Variants in RABGAP1L observed in about 807,000 individuals in gnomAD.
RABGAP1L encodes RAB GTPase activating protein 1 like.
In RABGAP1L, 63 loss-of-function variants were observed where a neutral mutation model predicts 137.7. That is an observed-to-expected ratio of 0.46 (90% CI 0.37 to 0.56). The LOEUF (loss-of-function observed/expected upper bound fraction) is 0.56, where lower values mean the gene tolerates loss of function less well. RABGAP1L is among the 20% of genes least tolerant of loss of function. The probability of loss-of-function intolerance (pLI) is 0.00; values close to 1 mark genes in which losing one functional copy is unlikely to be tolerated. For missense variants in RABGAP1L, 1,095 were observed against 1,244.0 expected (o/e 0.88, Z 1.80); for synonymous variants, 431 against 433.7 (o/e 0.99, Z 0.08).
intron 7 of RABGAP1L, among the ~76,000 whole-genome samples, chr1:174,259,573 A>G (rs889859772): frequency 1.3e-5 from 2 of 152,208 alleles, no homozygotes; most frequent in African/African-American, 4.8e-5. Flanking sequence ...ATTTGTTGTA[A>G]TATGGAATTA....
intron 19 of RABGAP1L, chr1:174,893,230 C>T (rs567751964): frequency 6.5e-6 from 1 of 154,746 alleles, no homozygotes; most frequent in East Asian, 1.9e-4. Flanking sequence ...TCTCTCCAGA[C>T]CACCCATTTG....
At chr1:174,777,707 ATTAAACT>A (rs1686639760) in intron 18 of RABGAP1L, among the ~76,000 whole-genome samples, 1 of 152,246 alleles carries the variant, frequency 6.6e-6, no homozygotes. Context: ...AAAGAACCAA[ATTAAACT>A]TTAAGAGATA....
chr1:174,401,809 A>G (rs1290152255), intron 13 of RABGAP1L, among the ~76,000 whole-genome samples: 1 of 152,216 alleles, frequency 6.6e-6, no homozygotes, highest in Admixed American at 6.5e-5. Flanking sequence ...TGACACAGGT[A>G]TGAGCAAAGT....
chr1:174,272,735 C>T (rs1201522076), intron 8 of RABGAP1L, among the ~76,000 whole-genome samples: 1 of 151,908 alleles, frequency 6.6e-6, no homozygotes, highest in Non-Finnish European at 1.5e-5. Flanking sequence ...TTTTTGGCTT[C>T]TTAGAAAGAT....
intron 19 of RABGAP1L, among the ~76,000 whole-genome samples, chr1:174,824,833 G>A (rs1691406887): frequency 6.6e-6 from 1 of 151,664 alleles, no homozygotes; most frequent in Non-Finnish European, 1.5e-5. Context: ...TTTTGAAATG[G>A]TGGCAGCAAC....
chr1:174,293,055 C>T (rs985420188), intron 10 of RABGAP1L, among the ~76,000 whole-genome samples: 1 of 151,926 alleles, frequency 6.6e-6, no homozygotes, highest in African/African-American at 2.4e-5. Context: ...CTAAAACTTA[C>T]ACATAAAATG....
At chr1:174,451,563 C>T (rs1184201836) in intron 13 of RABGAP1L, among the ~76,000 whole-genome samples, 1 of 152,208 alleles carries the variant, frequency 6.6e-6, no homozygotes, top group African/African-American at 2.4e-5. Flanking sequence ...TAGTCAATGG[C>T]AGAGGTTCCC....
chr1:174,957,388 C>A, intron 19 of RABGAP1L, 69 bp from the exon 20 acceptor site: 1 of 1,258,772 alleles, frequency 7.9e-7, no homozygotes, highest in Non-Finnish European at 1.2e-6. Context: ...ATTTAACTAG[C>A]AAACACACCT....
intron 11 of RABGAP1L, among the ~76,000 whole-genome samples, chr1:174,369,376 A>G (rs551135298): frequency 6.6e-6 from 1 of 152,210 alleles, no homozygotes; most frequent in African/African-American, 2.4e-5. Flanking sequence ...ATTTTGATAG[A>G]AACAGGGTTT....
chr1:174,420,926 T>C (rs1013950229), intron 13 of RABGAP1L, among the ~76,000 whole-genome samples: 4 of 152,056 alleles, frequency 2.6e-5, no homozygotes, highest in Non-Finnish European at 4.4e-5. Flanking sequence ...CTGCCCTCCT[T>C]GGCCTCCCAA....
At chr1:174,921,099 T>C (rs1661720713) in intron 19 of RABGAP1L, among the ~76,000 whole-genome samples, 1 of 152,048 alleles carries the variant, frequency 6.6e-6, no homozygotes, top group Non-Finnish European at 1.5e-5. Flanking sequence ...ATTTTTGTAT[T>C]TTTTTAGTAG....
chr1:174,703,825 T>C (rs1679851613), intron 17 of RABGAP1L, among the ~76,000 whole-genome samples: 1 of 152,222 alleles, frequency 6.6e-6, no homozygotes. Context: ...TGCATTTCTT[T>C]GATAATTAGT....
chr1:174,906,473 C>G (rs1393800407), intron 19 of RABGAP1L, among the ~76,000 whole-genome samples: 1 of 151,864 alleles, frequency 6.6e-6, no homozygotes, highest in Admixed American at 6.6e-5. Context: ...ACTAAAAATA[C>G]AAAAATTAGC....
At chr1:174,369,112 A>C (rs539200902) in intron 11 of RABGAP1L, among the ~76,000 whole-genome samples, 1 of 152,170 alleles carries the variant, frequency 6.6e-6, no homozygotes, top group African/African-American at 2.4e-5. Flanking sequence ...ATAAGTACCT[A>C]TACTTGGTAC....
intron 19 of RABGAP1L, among the ~76,000 whole-genome samples, chr1:174,955,221 T>C (rs975051444): frequency 7.9e-5 from 12 of 152,308 alleles, no homozygotes; most frequent in Middle Eastern, 3.4e-3. Flanking sequence ...CCCTGGAAAA[T>C]GTCCTCACTC....
chr1:174,438,192 T>C (rs1364240356), intron 13 of RABGAP1L, among the ~76,000 whole-genome samples: 1 of 152,170 alleles, frequency 6.6e-6, no homozygotes, highest in Admixed American at 6.5e-5. Flanking sequence ...CTTAAGGCTT[T>C]ATAGTATGTC....
intron 18 of RABGAP1L, among the ~76,000 whole-genome samples, chr1:174,801,713 C>T (rs1480497626): frequency 6.6e-6 from 1 of 152,188 alleles, no homozygotes; most frequent in East Asian, 1.9e-4. Flanking sequence ...CATTACTTCC[C>T]TGAACCTCAT....
At chr1:174,965,393 C>T (rs1574029427) in intron 20 of RABGAP1L, among the ~76,000 whole-genome samples, 1 of 152,166 alleles carries the variant, frequency 6.6e-6, no homozygotes. Context: ...CCATGGGCAA[C>T]CCTTGTCAAC....
intron 13 of RABGAP1L, among the ~76,000 whole-genome samples, chr1:174,585,717 C>G (rs1325274488): frequency 6.6e-6 from 1 of 152,108 alleles, no homozygotes; most frequent in Non-Finnish European, 1.5e-5. Context: ...AAGACCAAGC[C>G]CTTGATAAGT....
Sources: allele counts gnomAD v4.1 joint callset (sites outside exome capture counted in the v4.1 genomes callset), GRCh38; gene constraint gnomAD v4.1.1; transcripts MANE v1.5; gene names NCBI Gene and HGNC (gene_info 2026-07-23, HGNC 2026-07-21).